The following DMD variants were observed in gnomAD, a reference collection of about 807,000 sequenced individuals.
DMD encodes the protein mutant dystrophin.
A neutral mutation model predicts 330.1 loss-of-function variants in DMD; 63 were observed. The observed-to-expected ratio is 0.19, with a 90% CI of 0.16 to 0.24. DMD has a LOEUF of 0.24. Among genes scored for constraint, DMD ranks in the 10% least tolerant of loss-of-function variants. DMD has a pLI of 1.00. For missense variants in DMD, 3,344 were observed against 2,684.1 expected (o/e 1.25, Z -5.43); for synonymous variants, 1,223 against 959.8 (o/e 1.27, Z -5.07).
intron 17 of DMD, among the ~76,000 whole-genome samples, chrX:32,534,787 C>A (rs1453533625): frequency 1.8e-5 from 2 of 110,648 alleles, no homozygotes; most frequent in African/African-American, 6.6e-5. Context: ...TCCAAAGTCT[C>A]CATTTCCAAA....
rs1487532797 is a variant in DMD, at chrX:32,293,665, A to G, written c.6118-5964T>C. 2.9e-4 allele frequency among the ~76,000 whole-genome samples: 32 copies of G among 111,870 alleles called. No homozygotes were observed. The Admixed American group carries it at 2.9e-3, about 10-fold the overall frequency. On this transcript the variant is annotated intron_variant, in intron 42 of 78. Transcript: ENST00000357033. ...TGTATTTGACATCAGAGGCTTGCTT[A>G]TTGAAGAAAAGTTTCATATTGATAA...
intron 49 of DMD, among the ~76,000 whole-genome samples, chrX:31,822,653 G>GTGTGTGTGTGTGTGTGTGTGTGTGT (rs1556919106): frequency 1.5e-5 from 1 of 65,809 alleles, no homozygotes; most frequent in African/African-American, 6.4e-5. Context: ...AAGGCAGAGG[G>GTGTGTGTGTGTGTGTGTGTGTGTGT]GTGTGTGTGT....
chrX:33,163,033 T>C (rs749481325), intron 1 of DMD, among the ~76,000 whole-genome samples: 131 of 111,917 alleles, frequency 1.2e-3, no homozygotes, highest in African/African-American at 3.9e-3. Context: ...AACTCTGCAG[T>C]GCACAGAAGG....
At chrX:32,287,840 C>T (rs2097449266) in intron 42 of DMD, 139 bp from the exon 43 acceptor site, 2 of 427,942 alleles carry the variant, frequency 4.7e-6, no homozygotes, top group Non-Finnish European at 7.4e-6. Context: ...AAGTTAATAA[C>T]CATGAAGTCC....
intron 63 of DMD, among the ~76,000 whole-genome samples, chrX:31,250,097 C>T (rs946705017): frequency 1.8e-5 from 2 of 110,812 alleles, no homozygotes; most frequent in African/African-American, 6.6e-5. Flanking sequence ...GCCTCCAAAC[C>T]TAAACTCATA....
intron 43 of DMD, among the ~76,000 whole-genome samples, chrX:32,243,157 A>G (rs775543699): frequency 1.8e-5 from 2 of 110,325 alleles, no homozygotes; most frequent in African/African-American, 6.6e-5. Flanking sequence ...AAATTATATG[A>G]TCCTAGGGCT....
At chrX:31,915,098 T>C (rs1312496516) in intron 47 of DMD, among the ~76,000 whole-genome samples, 1 of 112,458 alleles carries the variant, frequency 8.9e-6, no homozygotes, top group Non-Finnish European at 1.9e-5. Flanking sequence ...TTTCACTTTA[T>C]AGGTCACTGG....
chrX:31,127,043 T>C (rs1042066430), intron 77 of DMD, among the ~76,000 whole-genome samples: 1 of 111,965 alleles, frequency 8.9e-6, no homozygotes, highest in African/African-American at 3.2e-5. Flanking sequence ...TCTCAGAATC[T>C]CTTCACTCTT....
At chrX:32,952,293 C>A (rs1439603162) in intron 2 of DMD, among the ~76,000 whole-genome samples, 1 of 110,293 alleles carries the variant, frequency 9.1e-6, no homozygotes, top group Admixed American at 9.7e-5. Context: ...ACCACTGCAC[C>A]CGGCTAATTT....
chrX:32,269,262 AG>A (rs937521192), intron 43 of DMD, among the ~76,000 whole-genome samples: 3 of 111,298 alleles, frequency 2.7e-5, no homozygotes, highest in Non-Finnish European at 3.8e-5. Flanking sequence ...GCATGCAGAT[AG>A]CCCCCTACCC....
intron 6 of DMD, among the ~76,000 whole-genome samples, chrX:32,815,595 G>A (rs1351932948): frequency 9.6e-6 from 1 of 104,401 alleles, no homozygotes; most frequent in Non-Finnish European, 1.9e-5. Context: ...AGTATATATT[G>A]TATCTCTAAG....
At chrX:32,686,969 G>C (rs2062929719) in intron 9 of DMD, among the ~76,000 whole-genome samples, 1 of 111,735 alleles carries the variant, frequency 8.9e-6, no homozygotes, top group Non-Finnish European at 1.9e-5. Flanking sequence ...GCATATCTCA[G>C]CTTGAGTGTC....
At chrX:31,785,775 C>A (rs6631399) in intron 50 of DMD, among the ~76,000 whole-genome samples, 1 of 110,890 alleles carries the variant, frequency 9.0e-6, no homozygotes, top group Non-Finnish European at 1.9e-5. Context: ...ACAAAGGACA[C>A]GAACGCATCC....
Position 32,729,374 on chromosome X carries a change from T to C in DMD, c.650-30081A>G, listed in dbSNP as rs189636181. ...GCTAACATTGCCCAATATTTAGTCT[T>C]GAGGCACAAAGTCAACCATTAATGT... On this transcript the variant is annotated intron_variant, in intron 7 of 78. Transcript: ENST00000357033. 5.8e-3 allele frequency among the ~76,000 whole-genome samples: 647 copies of C among 112,191 alleles called. 16 individuals are homozygous for C. The highest frequency in any genetic ancestry group is 0.02 in the African/African-American group (613 of 30,855).
chrX:31,661,014 A>T (rs2081091944), intron 53 of DMD, among the ~76,000 whole-genome samples: 1 of 112,196 alleles, frequency 8.9e-6, no homozygotes, highest in Admixed American at 9.5e-5. Flanking sequence ...ATATCCTAGA[A>T]TTTTCCAAAA....
At chrX:32,583,350 T>A (rs2053871819) in intron 13 of DMD, among the ~76,000 whole-genome samples, 2 of 110,686 alleles carry the variant, frequency 1.8e-5, no homozygotes, top group South Asian at 7.8e-4. Flanking sequence ...ACAAAAAAAA[T>A]TAGCCAGGCA....
At chrX:32,990,355 GAGA>G (rs370656757) in intron 2 of DMD, among the ~76,000 whole-genome samples, 253 of 111,870 alleles carry the variant, frequency 2.3e-3, no homozygotes, top group African/African-American at 7.8e-3. Flanking sequence ...ACATTTCTAA[GAGA>G]AGAAGACACC....
chrX:31,654,593 A>T (rs866407118), intron 54 of DMD, among the ~76,000 whole-genome samples: 12 of 112,068 alleles, frequency 1.1e-4, no homozygotes, highest in Middle Eastern at 4.6e-3. Flanking sequence ...AAAGAATGAG[A>T]TCATGTCCTT....
At chrX:32,316,588 GAGAAAT>G (rs1390101821) in intron 41 of DMD, among the ~76,000 whole-genome samples, 1 of 111,467 alleles carries the variant, frequency 9.0e-6, no homozygotes, top group Non-Finnish European at 1.9e-5. Flanking sequence ...GAACTTTCTT[GAGAAAT>G]AGAAATATTC....
Sources: gnomAD v4.1 joint callset for allele counts (sites outside exome capture counted in the v4.1 genomes callset) on GRCh38, gnomAD v4.1.1 for gene constraint, MANE v1.5 for transcripts, NCBI Gene and HGNC (gene_info 2026-07-23, HGNC 2026-07-21) for gene names.